The following COG5 variants were observed in gnomAD, a reference collection of about 807,000 sequenced individuals.
COG5 encodes the protein conserved oligomeric Golgi complex subunit 5.
In COG5, 86 loss-of-function variants were observed where a neutral mutation model predicts 110.4. That is an observed-to-expected ratio of 0.78 (90% CI 0.65 to 0.93). COG5 has a LOEUF of 0.93. Among genes scored for constraint, COG5 ranks in the 40% least tolerant of loss-of-function variants. The pLI, the probability that COG5 is intolerant of heterozygous loss-of-function variation, is 0.00. For synonymous variants in COG5, 360 were observed against 334.6 expected, an observed-to-expected ratio of 1.08 and a Z score of -0.83; for missense variants, 1,077 against 987.0, an observed-to-expected ratio of 1.09 and a Z score of -1.22.
rs1806935932 is a variant in COG5 at position 107,298,240 on chromosome 7, C to T, written c.1215G>A (p.Gly405=). ...RLQQYSQHIQ[G]NFNASGTTDL... is the part of the protein sequence containing the mutation. ...CTGTAGTTCCACTTGCATTAAAATTCCCTTGGATATGCTGACTGTATTGTT... is the reference window on the plus strand; with the variant it reads ...CTGTAGTTCCACTTGCATTAAAATTTCCTTGGATATGCTGACTGTATTGTT... The change falls in exon 12 of 22, where the codon GGG becomes GGA. Residue 405 remains glycine, a synonymous_variant. Coordinates refer to ENST00000297135, the MANE Select transcript of COG5 (RefSeq NM_006348.5). 6.2e-7 allele frequency: 1 copy of T among 1,613,210 alleles called. No individual in the cohort carries two copies. The highest frequency in any genetic ancestry group is 8.5e-7 in the Non-Finnish European group (1 of 1,179,490).
intron 6 of COG5, among the ~76,000 whole-genome samples, chr7:107,469,462 A>G (rs1403925734): frequency 6.6e-6 from 1 of 152,154 alleles, no homozygotes; most frequent in Non-Finnish European, 1.5e-5. Context: ...ACCTTAGGTC[A>G]ATCTGATTAT....
chr7:107,258,790 G>A (rs1042633426), intron 14 of COG5, among the ~76,000 whole-genome samples: 1 of 151,806 alleles, frequency 6.6e-6, no homozygotes, highest in Admixed American at 6.6e-5. Context: ...CAAATGCTCA[G>A]AAATAAGCCC....
intron 13 of COG5, 33 bp downstream of exon 13, chr7:107,283,538 C>T (rs1168524675): frequency 2.5e-6 from 4 of 1,583,724 alleles, no homozygotes; most frequent in Non-Finnish European, 3.5e-6. Context: ...TGGCAGTCAT[C>T]TTATGGCAAG....
chr7:107,478,048 C>A (rs1797094652), intron 6 of COG5, among the ~76,000 whole-genome samples: 1 of 151,836 alleles, frequency 6.6e-6, no homozygotes, highest in African/African-American at 2.4e-5. Context: ...TATCATAAAT[C>A]ATAGGCATAG....
chr7:107,441,507 A>G (rs76302861), intron 6 of COG5, among the ~76,000 whole-genome samples: 1,787 of 152,276 alleles, frequency 0.012, 31 homozygotes, highest in African/African-American at 0.041. Flanking sequence ...AAAGGTGTGC[A>G]TTCAATCCAA....
At chr7:107,224,823 C>T (rs1389391271) in intron 19 of COG5, among the ~76,000 whole-genome samples, 1 of 152,220 alleles carries the variant, frequency 6.6e-6, no homozygotes, top group Non-Finnish European at 1.5e-5. Context: ...AGGGGCAAAT[C>T]ACTAATGTCA....
chr7:107,458,040 A>G (rs1458602384), intron 6 of COG5, among the ~76,000 whole-genome samples: 1 of 152,202 alleles, frequency 6.6e-6, no homozygotes, highest in Non-Finnish European at 1.5e-5. Flanking sequence ...GAACAAAGAT[A>G]AGAATGATCA....
chr7:107,382,677 G>A (rs997531674), intron 7 of COG5, among the ~76,000 whole-genome samples: 47 of 152,158 alleles, frequency 3.1e-4, no homozygotes, highest in African/African-American at 1.1e-3. Flanking sequence ...GACCTCAAGT[G>A]ATCCACCCGC....
At chr7:107,402,553 CTATT>C (rs1200961195) in intron 7 of COG5, among the ~76,000 whole-genome samples, 3 of 152,158 alleles carry the variant, frequency 2.0e-5, no homozygotes, top group African/African-American at 7.2e-5. Flanking sequence ...TTTCTACCAC[CTATT>C]TTTGAAAGCT....
chr7:107,373,530 C>A (rs1421328965), intron 7 of COG5, among the ~76,000 whole-genome samples: 4 of 151,962 alleles, frequency 2.6e-5, no homozygotes, highest in African/African-American at 9.7e-5. Context: ...CAGATCGGGG[C>A]AGTGGTATTA....
chr7:107,388,348 T>C (rs1790357408), intron 7 of COG5, among the ~76,000 whole-genome samples: 1 of 152,252 alleles, frequency 6.6e-6, no homozygotes, highest in Non-Finnish European at 1.5e-5. Flanking sequence ...TCATTAAACA[T>C]CTTTTAACTT....
At chr7:107,431,938 C>T (rs937619391) in intron 6 of COG5, among the ~76,000 whole-genome samples, 3 of 152,050 alleles carry the variant, frequency 2.0e-5, no homozygotes, top group African/African-American at 4.8e-5. Flanking sequence ...ATTAAAGGTA[C>T]GAACCTGCCC....
At chr7:107,527,213 A>T (rs1563083380) in intron 6 of COG5, 24 bp downstream of exon 6, 6 of 1,468,058 alleles carry the variant, frequency 4.1e-6, no homozygotes, top group Non-Finnish European at 4.6e-6. Context: ...CTAACTTTTT[A>T]TTTAAAAAAA....
chr7:107,534,230 C>G (rs1801416105), intron 5 of COG5, among the ~76,000 whole-genome samples: 1 of 151,454 alleles, frequency 6.6e-6, no homozygotes, highest in Non-Finnish European at 1.5e-5. Context: ...AGTTAAAGAC[C>G]ATCAACACTA....
chr7:107,325,432 C>T (rs768688577), intron 10 of COG5, among the ~76,000 whole-genome samples: 13 of 152,168 alleles, frequency 8.5e-5, no homozygotes, highest in Non-Finnish European at 1.3e-4. Context: ...GGATGGATTA[C>T]CAGAGGTCAG....
At chr7:107,420,363 T>C (rs1793194656) in intron 6 of COG5, among the ~76,000 whole-genome samples, 1 of 152,220 alleles carries the variant, frequency 6.6e-6, no homozygotes, top group Non-Finnish European at 1.5e-5. Context: ...TAATAGGGTA[T>C]TATTCTTTTG....
chr7:107,545,226 A>G (rs983925132), intron 5 of COG5, among the ~76,000 whole-genome samples: 1 of 152,234 alleles, frequency 6.6e-6, no homozygotes, highest in Non-Finnish European at 1.5e-5. Flanking sequence ...AAATAATAAC[A>G]AAAATTCCCC....
intron 7 of COG5, among the ~76,000 whole-genome samples, chr7:107,400,408 G>C (rs1791341304): frequency 6.6e-6 from 1 of 151,932 alleles, no homozygotes; most frequent in African/African-American, 2.4e-5. Flanking sequence ...TAAAATTCTA[G>C]TATTTACTAC....
intron 11 of COG5, among the ~76,000 whole-genome samples, chr7:107,317,741 T>TTA (rs1269446572): frequency 6.6e-6 from 1 of 152,132 alleles, no homozygotes; most frequent in Non-Finnish European, 1.5e-5. Flanking sequence ...CCAATAAAAA[T>TTA]TATTAGACAT....
Sources: allele counts gnomAD v4.1 joint callset (sites outside exome capture counted in the v4.1 genomes callset), GRCh38; gene constraint gnomAD v4.1.1; transcripts MANE v1.5; gene names NCBI Gene and HGNC (gene_info 2026-07-23, HGNC 2026-07-21).